The following GAL variants were observed in gnomAD, a reference collection of about 807,000 sequenced individuals.
GAL encodes the protein galanin peptides.
GAL carries 14 observed loss-of-function variants against 15.8 expected under a neutral mutation model. The ratio of observed to expected loss-of-function variants is 0.89; its 90% CI spans 0.59 to 1.39. The LOEUF (loss-of-function observed/expected upper bound fraction) is 1.39. Ranked by LOEUF, GAL falls within the 40% of genes most tolerant of loss-of-function variation. GAL has a pLI of 0.00. For synonymous variants in GAL, 79 were observed against 73.8 expected, an observed-to-expected ratio of 1.07 and a Z score of -0.36; for missense variants, 176 against 170.4, an observed-to-expected ratio of 1.03 and a Z score of -0.18.
chr11:68,684,730 A>C lies in GAL; in HGVS notation c.-3A>C. ...CCGAACCCGGGCGCAGCCGCAGCTC[A>C]AGGTACTACTGGCGCCGGGCCGACC... On this transcript the variant is annotated splice_region_variant and 5_prime_UTR_variant, in exon 1 of 6. Transcript: ENST00000265643. 1 of 463,302 alleles carries C rather than the reference A, an allele frequency of 2.2e-6. No homozygotes were observed. Among genetic ancestry groups the C allele is most frequent in the East Asian group, 3.6e-5 (1 of 28,150 alleles). 28.7% of individuals were successfully genotyped at this position (463,302 alleles called of 1,614,324 possible). A position where few individuals can be genotyped will look rare whatever the true frequency, so the allele number is the denominator to read the frequency against.
chr11:68,687,901 A>C, intron 3 of GAL, 113 bp from the exon 4 acceptor site: 1 of 680,654 alleles, frequency 1.5e-6, no homozygotes, highest in Admixed American at 2.3e-5. Flanking sequence ...TCTATTTCAC[A>C]GTCGAGTTGC....
chr11:68,691,103 G>A lies in GAL; in HGVS notation c.*116G>A. On this transcript the variant is annotated 3_prime_UTR_variant, in exon 6 of 6. Transcript: ENST00000265643. ...CCATTCCTGTTCTCTTTGCCTTGAT[G>A]TTGTGTTGTTATCATTTAAGATTTT... The A allele has an allele frequency of 1.5e-6, 1 of 679,836 alleles. No homozygotes were observed. 42.1% of individuals were successfully genotyped at this position (679,836 alleles called of 1,614,324 possible).
intron 3 of GAL, 89 bp downstream of exon 3, chr11:68,685,737 G>C (rs1945846570): frequency 1.1e-6 from 1 of 876,836 alleles, no homozygotes; most frequent in South Asian, 1.4e-5. Flanking sequence ...CCTGCGGCTG[G>C]GCAGACCCTC....
chr11:68,686,752 C>A (rs1029436747), intron 3 of GAL, among the ~76,000 whole-genome samples: 3 of 152,124 alleles, frequency 2.0e-5, no homozygotes, highest in African/African-American at 7.2e-5. Flanking sequence ...GCCTGAGGGT[C>A]GGCTGATTTC....
In GAL at chr11:68,684,550, G is replaced by C; in HGVS notation, c.-183G>C. The stretch of plus-strand genomic sequence containing the variant: ...GGCGGCGGTGGCGGCGGCCACACCG[G>C]GCGGCGGACACGTGGAGGGACCCGG... On this transcript the variant is annotated 5_prime_UTR_variant, in exon 1 of 6. Coordinates refer to ENST00000265643, the MANE Select transcript of GAL (RefSeq NM_015973.5). 5.8e-6 allele frequency: 1 copy of C among 173,570 alleles called. No homozygotes were observed. Among genetic ancestry groups the C allele is most frequent in the Admixed American group, 6.3e-5 (1 of 15,818 alleles). 10.8% of individuals were successfully genotyped at this position (173,570 alleles called of 1,614,324 possible). A position where few individuals can be genotyped will look rare whatever the true frequency, so the allele number is the denominator to read the frequency against.
intron 3 of GAL, among the ~76,000 whole-genome samples, chr11:68,686,242 G>A (rs2153989774): frequency 6.6e-6 from 1 of 152,088 alleles, no homozygotes; most frequent in East Asian, 1.9e-4. Flanking sequence ...ACCTCCCCGT[G>A]TCCGCCCCCG....
intron 3 of GAL, 26 bp from the exon 4 acceptor site, chr11:68,687,988 G>T (rs1945869414): frequency 6.6e-7 from 1 of 1,510,902 alleles, no homozygotes; most frequent in Non-Finnish European, 9.2e-7. Flanking sequence ...CACACCCAGA[G>T]GCTTTCCTCT....
Position 68,685,606 on chromosome 11 carries a change from C to A in GAL, c.94C>A (p.Arg32=), listed in dbSNP as rs970169359. The change falls in exon 3 of 6, where the codon CGA becomes AGA. Residue 32 remains arginine, a synonymous_variant. Transcript: ENST00000265643. ...AGLWSPAKEK[R]GWTLNSAGYL... ...TTCTCCCTTCAAGGCCAAGGAAAAA[C>A]GAGGCTGGACCCTGAACAGCGCGGG... 5 of 1,613,228 alleles carry A rather than the reference C, an allele frequency of 3.1e-6. No homozygotes were observed. The African/African-American group carries it at 6.7e-5, about 22-fold the overall frequency.
chr11:68,689,287 C>T (rs541372676), intron 5 of GAL, among the ~76,000 whole-genome samples: 43 of 152,322 alleles, frequency 2.8e-4, no homozygotes, highest in Non-Finnish European at 5.1e-4. Flanking sequence ...TCTTTGTGAA[C>T]CGTCCTAAAC....
intron 3 of GAL, 115 bp from the exon 4 acceptor site, chr11:68,687,899 A>G (rs1198965040): frequency 1.5e-6 from 1 of 677,330 alleles, no homozygotes; most frequent in Non-Finnish European, 2.7e-6. Context: ...GCTCTATTTC[A>G]CAGTCGAGTT....
At chr11:68,685,544 A>C in intron 2 of GAL, 50 bp from the exon 3 acceptor site, 1 of 1,340,500 alleles carries the variant, frequency 7.5e-7, no homozygotes, top group Non-Finnish European at 1.1e-6. Context: ...CCCATTCAGC[A>C]TAGGCTCCAG....
rs1049826309 is a variant in GAL at position 68,690,828 on chromosome 11, C to T, written c.302-89C>T. On this transcript the variant is annotated intron_variant, in intron 5 of 5. Coordinates refer to ENST00000265643, the MANE Select transcript of GAL (RefSeq NM_015973.5). ...AGAATCTTTACAGAGGACGACCACA[C>T]GCCGCTTCCTGTAGCATGTGTCGTG... 3.2e-5 allele frequency: 27 copies of T among 856,214 alleles called. No homozygotes were observed. In the East Asian group the frequency reaches 3.2e-4, roughly 10 times the overall value. The allele number at this position is 856,214 out of a possible 1,614,324, so 53.0% of individuals were successfully genotyped here.
Position 68,688,883 on chromosome 11 carries a change from C to T in GAL, c.258C>T (p.Ile86=). The T allele has an allele frequency of 6.4e-7, 1 of 1,573,688 alleles. No homozygotes were observed. The highest frequency in any genetic ancestry group is 1.7e-4 in the Middle Eastern group (1 of 5,982). Reference sequence around the variant, plus strand: ...ACAGGTCCATACCTGAAAACAATATCATGCGCACAATCATTGAGTTTCTGT... The same window carrying T: ...ACAGGTCCATACCTGAAAACAATATTATGCGCACAATCATTGAGTTTCTGT... ...SFDRSIPENN[I]MRTIIEFLSF... The change falls in exon 5 of 6, where the codon ATC becomes ATT. Residue 86 remains isoleucine, a synonymous_variant. Coordinates refer to ENST00000265643, the MANE Select transcript of GAL (RefSeq NM_015973.5).
rs79619045 is a variant in GAL, at chr11:68,689,061, T to C, written c.301+135T>C. The C allele has an allele frequency of 3.1e-3, 1,975 of 629,150 alleles. 28 individuals are homozygous for C. The African/African-American group carries it at 0.033, about 10-fold the overall frequency. The allele number at this position is 629,150 out of a possible 1,614,324, so 39.0% of individuals were successfully genotyped here. Reference sequence around the variant, plus strand: ...ATCTACGTACAAAGTCCTGTTTGGCTGTGTGTCGGGATAACAGAGAATGTA... The same window carrying C: ...ATCTACGTACAAAGTCCTGTTTGGCCGTGTGTCGGGATAACAGAGAATGTA... On this transcript the variant is annotated intron_variant, in intron 5 of 5. Coordinates refer to ENST00000265643, the MANE Select transcript of GAL (RefSeq NM_015973.5).
At chr11:68,687,036 T>C (rs1475057123) in intron 3 of GAL, among the ~76,000 whole-genome samples, 3 of 152,216 alleles carry the variant, frequency 2.0e-5, no homozygotes, top group Non-Finnish European at 4.4e-5. Context: ...CTGCTAGAAA[T>C]GCAGCAAAAG....
intron 2 of GAL, among the ~76,000 whole-genome samples, 181 bp downstream of exon 2, chr11:68,685,185 C>T (rs990311261): frequency 6.6e-6 from 1 of 152,212 alleles, no homozygotes; most frequent in Non-Finnish European, 1.5e-5. Flanking sequence ...GGGATTCCCC[C>T]CGCGCGCTTC....
At position 68,685,625 on chromosome 11, in the gene GAL, G is replaced by T; in HGVS notation, c.113G>T (p.Ser38Ile). The change falls in exon 3 of 6, where the codon AGC becomes ATC. Residue 38 changes from serine to isoleucine, a missense_variant. Transcript: ENST00000265643. The part of the protein sequence containing the change: ...AKEKRGWTLN[S>I]AGYLLGPHAV... ...GAAAAACGAGGCTGGACCCTGAACA[G>T]CGCGGGCTACCTGCTGGGCCCACGT... The T allele has an allele frequency of 6.2e-7, 1 of 1,613,606 alleles. No homozygotes were observed. The highest frequency in any genetic ancestry group is 1.1e-5 in the South Asian group (1 of 91,052).
intron 2 of GAL, 28 bp downstream of exon 2, chr11:68,685,032 C>G: frequency 6.7e-7 from 1 of 1,481,712 alleles, no homozygotes; most frequent in Non-Finnish European, 9.3e-7. Flanking sequence ...CTCCTCCGAG[C>G]GAAGGGGACA....
chr11:68,685,498 C>A, intron 2 of GAL, 96 bp from the exon 3 acceptor site: 1 of 835,986 alleles, frequency 1.2e-6, no homozygotes, highest in African/African-American at 1.7e-5. Flanking sequence ...ATGCATTGTT[C>A]TAAGTCCTCT....
Sources: allele counts gnomAD v4.1 joint callset (sites outside exome capture counted in the v4.1 genomes callset), GRCh38; gene constraint gnomAD v4.1.1; transcripts MANE v1.5; gene names NCBI Gene and HGNC (gene_info 2026-07-23, HGNC 2026-07-21).